Variants in OR9Q1 observed in about 807,000 individuals in gnomAD.
OR9Q1 encodes olfactory receptor 9Q1.
For synonymous variants in OR9Q1, 153 were observed against 148.6 expected (o/e 1.03, Z -0.22); for missense variants, 374 against 378.8 (o/e 0.99, Z 0.11).
intron 2 of OR9Q1, among the ~76,000 whole-genome samples, chr11:58,090,313 T>C (rs978425753): frequency 3.9e-5 from 6 of 152,244 alleles, no homozygotes; most frequent in Admixed American, 2.0e-4. Context: ...TATTTTGAGA[T>C]ACGTTCCATC....
chr11:58,166,481 C>G (rs188815650), intron 2 of OR9Q1, among the ~76,000 whole-genome samples: 181 of 150,928 alleles, frequency 1.2e-3, no homozygotes, highest in African/African-American at 4.0e-3. Context: ...GTCACTGTAA[C>G]TTGTTAATTG....
intron 2 of OR9Q1, among the ~76,000 whole-genome samples, chr11:58,106,067 T>C (rs1425998145): frequency 3.3e-5 from 5 of 152,088 alleles, no homozygotes; most frequent in Admixed American, 2.6e-4. Context: ...GGCTGTACCA[T>C]TTAACATCCC....
chr11:58,073,413 T>A (rs1041403123), intron 2 of OR9Q1: 2 of 153,140 alleles, frequency 1.3e-5, no homozygotes, highest in African/African-American at 4.8e-5. Flanking sequence ...TTTATTCATT[T>A]GACTTTTTCT....
At chr11:58,053,601 T>TTAA (rs1853291127) in intron 1 of OR9Q1, among the ~76,000 whole-genome samples, 4 of 42,274 alleles carry the variant, frequency 9.5e-5, no homozygotes, top group Admixed American at 3.2e-4. Context: ...AGTATAATAA[T>TTAA]AAAATTAAAA....
intron 1 of OR9Q1, among the ~76,000 whole-genome samples, chr11:58,030,233 C>T (rs1373115792): frequency 1.3e-5 from 2 of 152,124 alleles, no homozygotes; most frequent in African/African-American, 4.8e-5. Flanking sequence ...TTAAAGTCTC[C>T]CTGTGACCTT....
intron 2 of OR9Q1, among the ~76,000 whole-genome samples, chr11:58,106,121 G>A (rs1853837500): frequency 6.6e-6 from 1 of 151,110 alleles, no homozygotes; most frequent in Non-Finnish European, 1.5e-5. Context: ...CACATCCAAG[G>A]GTTCCAATTT....
intron 2 of OR9Q1, among the ~76,000 whole-genome samples, chr11:58,105,175 CT>C (rs973480137): frequency 3.9e-5 from 6 of 152,036 alleles, no homozygotes; most frequent in Non-Finnish European, 8.8e-5. Context: ...ATCTACACCC[CT>C]GGTTAACCAG....
At chr11:58,095,518 G>T (rs1050657169) in intron 2 of OR9Q1, among the ~76,000 whole-genome samples, 3 of 152,316 alleles carry the variant, frequency 2.0e-5, no homozygotes, top group Admixed American at 1.3e-4. Context: ...CTGCATGGCT[G>T]GGGAGGCCTC....
chr11:58,164,104 G>A (rs1854479415), intron 2 of OR9Q1, among the ~76,000 whole-genome samples: 1 of 152,162 alleles, frequency 6.6e-6, no homozygotes, highest in African/African-American at 2.4e-5. Context: ...CGCTGGAGCC[G>A]GAGCCTGCAG....
intron 2 of OR9Q1, among the ~76,000 whole-genome samples, chr11:58,107,776 G>T (rs908893674): frequency 6.6e-6 from 1 of 152,114 alleles, no homozygotes; most frequent in Non-Finnish European, 1.5e-5. Context: ...TTTCATAAAT[G>T]TATAGTAGTT....
chr11:58,174,886 A>G (rs1854589367), intron 2 of OR9Q1, among the ~76,000 whole-genome samples: 1 of 151,480 alleles, frequency 6.6e-6, no homozygotes, highest in South Asian at 2.1e-4. Context: ...CAGGCAGATT[A>G]CTTGAGCCCA....
chr11:58,043,274 G>T (rs1020176096), intron 1 of OR9Q1, among the ~76,000 whole-genome samples: 3 of 152,286 alleles, frequency 2.0e-5, no homozygotes, highest in East Asian at 3.9e-4. Flanking sequence ...AGGGCAAAAG[G>T]TATTTCCAAA....
intron 2 of OR9Q1, among the ~76,000 whole-genome samples, chr11:58,179,008 A>G (rs868142046): frequency 2.0e-4 from 18 of 90,624 alleles, no homozygotes; most frequent in African/African-American, 5.9e-4. Context: ...GAGAGAAAGA[A>G]AGAAAGAGAG....
chr11:58,144,059 G>C (rs1308283540), intron 2 of OR9Q1, among the ~76,000 whole-genome samples: 1 of 151,534 alleles, frequency 6.6e-6, no homozygotes. Flanking sequence ...TTAAGTTTTA[G>C]GGTACATGTG....
chr11:58,131,501 TATATA>T lies in OR9Q1; in HGVS notation c.-14-47925_-14-47921del, dbSNP rs1277017547. On this transcript the variant is annotated intron_variant, in intron 2 of 2. Coordinates refer to ENST00000335397, the MANE Select transcript of OR9Q1 (RefSeq NM_001005212.4). ...TAGAAGGATGTATATCACAGTGTCT[TATATA>T]ATATTTATAACATTATATAACAATG... 1.2e-4 allele frequency among the ~76,000 whole-genome samples: 18 copies of T among 152,188 alleles called. No homozygotes were observed. In the South Asian group the frequency reaches 2.1e-3, roughly 17 times the overall value.
At chr11:58,147,001 T>C (rs1854305056) in intron 2 of OR9Q1, among the ~76,000 whole-genome samples, 3 of 152,028 alleles carry the variant, frequency 2.0e-5, no homozygotes, top group African/African-American at 7.2e-5. Context: ...TTGGCTGCAG[T>C]GTGATGAGTG....
At chr11:58,085,785 C>A (rs1163814298) in intron 2 of OR9Q1, among the ~76,000 whole-genome samples, 1 of 151,740 alleles carries the variant, frequency 6.6e-6, no homozygotes, top group African/African-American at 2.4e-5. Flanking sequence ...ATGTCATTGA[C>A]ATTGGGATGA....
intron 2 of OR9Q1, among the ~76,000 whole-genome samples, chr11:58,165,802 C>T (rs554663626): frequency 1.1e-4 from 16 of 152,306 alleles, no homozygotes; most frequent in South Asian, 1.0e-3. Context: ...AGACATTTCC[C>T]GCTCCCAAGT....
chr11:58,094,411 T>A (rs1293735858), intron 2 of OR9Q1, among the ~76,000 whole-genome samples: 1 of 152,182 alleles, frequency 6.6e-6, no homozygotes, highest in Non-Finnish European at 1.5e-5. Flanking sequence ...TAATGAAAAT[T>A]ACACATGTAC....
Sources: gnomAD v4.1 joint callset for allele counts (sites outside exome capture counted in the v4.1 genomes callset) on GRCh38, gnomAD v4.1.1 for gene constraint, MANE v1.5 for transcripts, NCBI Gene and HGNC (gene_info 2026-07-23, HGNC 2026-07-21) for gene names.